ARL5B: variants seen among roughly 807,000 people sequenced by gnomAD.
The protein encoded by ARL5B is ADP-ribosylation factor-like protein 5B.
ARL5B carries 10 observed loss-of-function variants against 26.9 expected under a neutral mutation model. The observed-to-expected ratio is 0.37, with a 90% CI of 0.23 to 0.63. The LOEUF is 0.63. Among genes scored for constraint, ARL5B ranks in the 30% least tolerant of loss-of-function variants. The pLI, the probability that ARL5B is intolerant of heterozygous loss-of-function variation, is 0.62. For missense variants in ARL5B, 167 were observed against 213.9 expected (o/e 0.78, Z 1.37); for synonymous variants, 87 against 70.4 (o/e 1.24, Z -1.18).
At chr10:18,668,491 A>G in intron 2 of ARL5B, 39 bp from the exon 3 acceptor site, 2 of 1,604,924 alleles carry the variant, frequency 1.2e-6, no homozygotes, top group Non-Finnish European at 8.5e-7. Flanking sequence ...CAGATTCTCA[A>G]GATTTACAAG....
At chr10:18,672,818 C>T in intron 4 of ARL5B, 113 bp downstream of exon 4, 2 of 592,780 alleles carry the variant, frequency 3.4e-6, no homozygotes, top group Middle Eastern at 7.2e-4. Flanking sequence ...ATGATTAACA[C>T]AACTTTATGT....
chr10:18,670,786 C>G (rs543470112), intron 3 of ARL5B, among the ~76,000 whole-genome samples: 1 of 152,200 alleles, frequency 6.6e-6, no homozygotes, highest in African/African-American at 2.4e-5. Context: ...TAAAGTGTGT[C>G]GAAAGGGTAG....
At position 18,664,142 on chromosome 10, in the gene ARL5B, C is replaced by G. The variant is rs138789987; in HGVS notation, c.47-2433C>G. 5.3e-5 allele frequency among the ~76,000 whole-genome samples: 8 copies of G among 151,704 alleles called. No homozygotes were observed. The South Asian group carries it at 6.3e-4, about 12-fold the overall frequency. ...CTAAGTTTTGTATTTTTAGTAGAGA[C>G]GGAGTTTCACCAAATTAGCCAGGTT... On this transcript the variant is annotated intron_variant, in intron 1 of 5. Transcript: ENST00000377275.
intron 1 of ARL5B, chr10:18,659,904 C>G: frequency 8.1e-6 from 8 of 985,310 alleles, no homozygotes; most frequent in Non-Finnish European, 9.6e-6. Context: ...TATTTGGCGT[C>G]CCAGAATCCA....
chr10:18,659,585 G>A lies in ARL5B; in HGVS notation c.-53G>A, dbSNP rs2059816776. The A allele has an allele frequency of 6.4e-7, 1 of 1,566,420 alleles. No homozygotes were observed. Among genetic ancestry groups the A allele is most frequent in the Non-Finnish European group, 8.6e-7 (1 of 1,158,484 alleles). On this transcript the variant is annotated 5_prime_UTR_variant, in exon 1 of 6. Transcript: ENST00000377275. ...CAGCCCGCGCCGCGGTGGGGGACCC[G>A]GCGCAGCGGCACCTGCTGCCGAGGG... is the stretch of plus-strand genomic sequence containing the variant.
chr10:18,668,220 G>C (rs561949752), intron 2 of ARL5B, among the ~76,000 whole-genome samples: 28 of 151,936 alleles, frequency 1.8e-4, no homozygotes, highest in Admixed American at 5.9e-4. Flanking sequence ...TTATCTAACT[G>C]ATAACAGGGC....
At chr10:18,673,186 C>T (rs751461438) in intron 4 of ARL5B, among the ~76,000 whole-genome samples, 8 of 151,978 alleles carry the variant, frequency 5.3e-5, no homozygotes, top group Non-Finnish European at 1.2e-4. Flanking sequence ...CTCAGCCTCC[C>T]GAGTAGCTGG....
intron 1 of ARL5B, 110 bp downstream of exon 1, chr10:18,659,793 G>A (rs1011057526): frequency 2.0e-5 from 31 of 1,538,390 alleles, no homozygotes; most frequent in African/African-American, 2.8e-5. Context: ...GAGGAGGAAG[G>A]GACTTAGGCC....
chr10:18,665,092 G>A (rs894811298), intron 1 of ARL5B, among the ~76,000 whole-genome samples: 10 of 152,192 alleles, frequency 6.6e-5, no homozygotes, highest in Admixed American at 3.9e-4. Flanking sequence ...AGAATGCTTA[G>A]TGCCAGGCAG....
intron 3 of ARL5B, among the ~76,000 whole-genome samples, chr10:18,670,330 G>A (rs1480558177): frequency 6.6e-6 from 1 of 152,104 alleles, no homozygotes; most frequent in African/African-American, 2.4e-5. Context: ...TAAGGGAAGG[G>A]CCAGGCGCAG....
intron 1 of ARL5B, among the ~76,000 whole-genome samples, chr10:18,664,598 C>T (rs1365445974): frequency 2.0e-5 from 3 of 151,562 alleles, no homozygotes; most frequent in East Asian, 2.0e-4. Flanking sequence ...CCACCATGCC[C>T]GGCTAATTTT....
At position 18,681,272 on chromosome 10, in the gene ARL5B, T is replaced by A. The variant is rs527889282; in HGVS notation, c.*6056T>A. On this transcript the variant is annotated 3_prime_UTR_variant, in exon 6 of 6. Coordinates refer to ENST00000377275, the MANE Select transcript of ARL5B (RefSeq NM_178815.5). ...AGCATTAACAACAACAACAAAAAATTTAAAACAAGTAAATTAATGCATTCA... is the reference window on the plus strand; with the variant it reads ...AGCATTAACAACAACAACAAAAAATATAAAACAAGTAAATTAATGCATTCA... 6.6e-6 allele frequency: 1 copy of A among 152,272 alleles called. No individual in the cohort carries two copies. The highest frequency in any genetic ancestry group is 2.1e-4 in the South Asian group (1 of 4,826). 9.4% of individuals were successfully genotyped at this position (152,272 alleles called of 1,614,324 possible).
intron 1 of ARL5B, among the ~76,000 whole-genome samples, chr10:18,660,237 A>C (rs1032158837): frequency 2.0e-5 from 3 of 152,016 alleles, no homozygotes; most frequent in Non-Finnish European, 4.4e-5. Context: ...TTTTTAAAGC[A>C]TTTAGTTCAG....
At chr10:18,665,867 G>A (rs2059859269) in intron 1 of ARL5B, among the ~76,000 whole-genome samples, 1 of 152,156 alleles carries the variant, frequency 6.6e-6, no homozygotes, top group Admixed American at 6.5e-5. Context: ...CCACTTAACG[G>A]AATAATTAGA....
At chr10:18,671,206 T>A (rs1040284537) in intron 3 of ARL5B, among the ~76,000 whole-genome samples, 2 of 152,208 alleles carry the variant, frequency 1.3e-5, no homozygotes, top group Non-Finnish European at 2.9e-5. Flanking sequence ...TTATTTATTT[T>A]TTTGAGATGG....
chr10:18,659,718 C>G, intron 1 of ARL5B, 35 bp downstream of exon 1: 4 of 1,602,970 alleles, frequency 2.5e-6, no homozygotes, highest in Non-Finnish European at 3.4e-6. Context: ...GGCTCGAATC[C>G]GAGGCAGAGG....
chr10:18,664,024 G>C (rs1033014836), intron 1 of ARL5B, among the ~76,000 whole-genome samples: 1 of 151,874 alleles, frequency 6.6e-6, no homozygotes, highest in Non-Finnish European at 1.5e-5. Context: ...TGCAATCTCA[G>C]CTCACTGCCA....
chr10:18,665,822 G>A (rs1335863989), intron 1 of ARL5B, among the ~76,000 whole-genome samples: 1 of 152,170 alleles, frequency 6.6e-6, no homozygotes, highest in South Asian at 2.1e-4. Flanking sequence ...TATCTGGGTT[G>A]TTTTCTGTAT....
intron 2 of ARL5B, among the ~76,000 whole-genome samples, chr10:18,667,028 T>A (rs962942465): frequency 2.3e-5 from 2 of 85,680 alleles, no homozygotes; most frequent in African/African-American, 7.9e-5. Flanking sequence ...ATAGCCAGAC[T>A]TGTCAAAAGA....
Sources: gnomAD v4.1 joint callset for allele counts (sites outside exome capture counted in the v4.1 genomes callset) on GRCh38, gnomAD v4.1.1 for gene constraint, MANE v1.5 for transcripts, NCBI Gene and HGNC (gene_info 2026-07-23, HGNC 2026-07-21) for gene names.